The following CA5B variants were observed in gnomAD, a reference collection of about 807,000 sequenced individuals.
CA5B encodes the protein carbonic anhydrase 5B, mitochondrial.
CA5B carries 15 observed loss-of-function variants against 23.1 expected under a neutral mutation model. The ratio of observed to expected loss-of-function variants is 0.65; its 90% CI spans 0.43 to 1.00. CA5B has a LOEUF of 1.00. CA5B is among the 50% of genes least tolerant of loss of function. The pLI is 0.00. For missense variants in CA5B, 236 were observed against 252.2 expected, an observed-to-expected ratio of 0.94 and a Z score of 0.43; for synonymous variants, 84 against 98.5, an observed-to-expected ratio of 0.85 and a Z score of 0.87.
intron 3 of CA5B, among the ~76,000 whole-genome samples, chrX:15,769,975 A>C (rs1323867764): frequency 8.9e-6 from 1 of 111,881 alleles, no homozygotes; most frequent in African/African-American, 3.2e-5. Flanking sequence ...TTGTTATGTA[A>C]TTTTTTTAGA....
intron 6 of CA5B, chrX:15,775,561 T>C: frequency 1.1e-6 from 1 of 873,145 alleles, no homozygotes; most frequent in Non-Finnish European, 1.4e-6. Flanking sequence ...CCCTCCTCTG[T>C]TCCTGACACC....
intron 7 of CA5B, among the ~76,000 whole-genome samples, chrX:15,779,024 GATAA>G (rs1931977154): frequency 9.0e-6 from 1 of 111,301 alleles, no homozygotes; most frequent in South Asian, 3.8e-4. Context: ...ACCCTATAAA[GATAA>G]ATAAAGAAAA....
At chrX:15,750,302 A>C (rs1053709036) in intron 2 of CA5B, 137 bp downstream of exon 2, 2 of 483,802 alleles carry the variant, frequency 4.1e-6, no homozygotes, top group African/African-American at 4.8e-5. Context: ...TCTTTATAAT[A>C]ATCACACATG....
At chrX:15,753,696 G>A (rs1931428049) in intron 2 of CA5B, among the ~76,000 whole-genome samples, 2 of 112,276 alleles carry the variant, frequency 1.8e-5, no homozygotes, top group South Asian at 7.3e-4. Context: ...ATCACCTGAG[G>A]TCAGGAGTTC....
At chrX:15,768,945 T>C (rs1287483654) in intron 3 of CA5B, 1 of 111,795 alleles carries the variant, frequency 8.9e-6, no homozygotes, top group Non-Finnish European at 1.9e-5. Flanking sequence ...AAAAACATCA[T>C]ACCAGTCCTT....
Position 15,752,343 on chromosome X carries a change from C to G in CA5B, c.142+2178C>G, listed in dbSNP as rs1010939050. Among the ~76,000 whole-genome samples the G allele has an allele frequency of 1.1e-4, 12 of 111,662 alleles. No homozygotes were observed. The Admixed American group carries it at 1.1e-3, about 11-fold the overall frequency. ...AACATTACAAGACAAAGAAGAAAAT[C>G]AAAATATTTTACCCCAAAACATGTT... On this transcript the variant is annotated intron_variant, in intron 2 of 7. Transcript: ENST00000318636.
chrX:15,778,751 AAGAG>A (rs762557468), intron 7 of CA5B, among the ~76,000 whole-genome samples: 7 of 109,744 alleles, frequency 6.4e-5, no homozygotes, highest in Non-Finnish European at 1.1e-4. Context: ...ATGGTGGCAG[AAGAG>A]AGAGAGAGAG....
At chrX:15,756,783 A>G (rs139690552) in intron 2 of CA5B, among the ~76,000 whole-genome samples, 4,058 of 111,694 alleles carry the variant, frequency 0.036, 189 homozygotes, top group African/African-American at 0.12. Flanking sequence ...AGCCAGGCGC[A>G]GTGGCTCATG....
intron 1 of CA5B, among the ~76,000 whole-genome samples, chrX:15,744,216 G>A (rs866192745): frequency 3.5e-5 from 4 of 113,036 alleles, no homozygotes; most frequent in Middle Eastern, 4.6e-3. Flanking sequence ...CATGACCATG[G>A]CCCTGGCCGT....
At position 15,776,759 on chromosome X, in the gene CA5B, C is replaced by T; in HGVS notation, c.664C>T (p.Pro222Ser). 8.3e-7 allele frequency: 1 copy of T among 1,208,528 alleles called. No homozygotes were observed. The highest frequency in any genetic ancestry group is 1.1e-6 in the Non-Finnish European group (1 of 892,406). ...FGSFDPSCLM[P>S]TCPDYWTYSG... ...GTCATTTGACCCTTCCTGCCTGATG[C>T]CTACCTGCCCAGATTACTGGACCTA... The change falls in exon 7 of 8, where the codon CCT becomes TCT. Residue 222 changes from proline (P) to serine (S), a missense_variant. Physicochemically the swap from Pro to Ser is moderately conservative, Grantham distance 74. Around this residue, in one of 3 missense-constraint regions of CA5B, gnomAD observed 170 missense variants for 162.0 expected, o/e 1.05. Coordinates refer to ENST00000318636, the MANE Select transcript of CA5B (RefSeq NM_007220.4).
intron 5 of CA5B, among the ~76,000 whole-genome samples, chrX:15,774,853 A>AT (rs1031169594): frequency 8.9e-6 from 1 of 112,017 alleles, no homozygotes; most frequent in African/African-American, 3.2e-5. Flanking sequence ...CCACCAAAAA[A>AT]ATATATATAT....
Position 15,774,399 on chromosome X carries a change from T to TA in CA5B, c.555+6dup, listed in dbSNP as rs1931878918. The TA allele has an allele frequency of 8.4e-6, 7 of 829,029 alleles. No individual in the cohort carries two copies. In the Admixed American group the frequency reaches 1.8e-4, roughly 21 times the overall value. The allele number at this position is 829,029 out of a possible 1,213,427, so 68.3% of individuals were successfully genotyped here. A position where few individuals can be genotyped will look rare whatever the true frequency, so the allele number is the denominator to read the frequency against. On this transcript the variant is annotated splice_region_variant and intron_variant, in intron 5 of 7. Transcript: ENST00000318636. Reference sequence around the variant, plus strand: ...GCTGTGATAGGAGTATTTTTAAAGGTAAAATATCTCACCAACTTTAAATGA... The same window carrying TA: ...GCTGTGATAGGAGTATTTTTAAAGGTAAAAATATCTCACCAACTTTAAATGA...
At chrX:15,741,199 C>G (rs1294472299) in intron 1 of CA5B, among the ~76,000 whole-genome samples, 2 of 105,316 alleles carry the variant, frequency 1.9e-5, no homozygotes, top group African/African-American at 3.5e-5. Flanking sequence ...TCCCGAGTAG[C>G]TGGGCTTATA....
At chrX:15,780,874 G>T (rs1328648425) in intron 7 of CA5B, among the ~76,000 whole-genome samples, 1 of 112,172 alleles carries the variant, frequency 8.9e-6, no homozygotes, top group Non-Finnish European at 1.9e-5. Context: ...TCGCTTGCTT[G>T]TCTACTGTGC....
intron 2 of CA5B, among the ~76,000 whole-genome samples, chrX:15,764,096 A>G (rs1396617769): frequency 8.9e-6 from 1 of 111,762 alleles, no homozygotes; most frequent in Non-Finnish European, 1.9e-5. Flanking sequence ...CCCCAGAGAA[A>G]CACCCCAAAA....
intron 5 of CA5B, among the ~76,000 whole-genome samples, chrX:15,774,611 A>G (rs749915418): frequency 7.0e-4 from 78 of 111,804 alleles, no homozygotes; most frequent in African/African-American, 2.5e-3. Flanking sequence ...AGGCAGGCAG[A>G]TCACTTGAGG....
intron 4 of CA5B, among the ~76,000 whole-genome samples, chrX:15,773,533 C>A (rs1363128678): frequency 9.3e-6 from 1 of 107,371 alleles, no homozygotes; most frequent in Non-Finnish European, 1.9e-5. Flanking sequence ...TCTCAGCCCC[C>A]CAAGTAGCTG....
chrX:15,768,388 T>C (rs1931755681), intron 3 of CA5B, among the ~76,000 whole-genome samples: 1 of 111,699 alleles, frequency 9.0e-6, no homozygotes, highest in African/African-American at 3.3e-5. Flanking sequence ...TAATAGCTTC[T>C]TTTTAGATAC....
intron 3 of CA5B, among the ~76,000 whole-genome samples, chrX:15,771,205 A>C (rs1197408565): frequency 2.1e-5 from 1 of 46,640 alleles, no homozygotes; most frequent in Non-Finnish European, 4.2e-5. Context: ...TCATCTCTAC[A>C]AAAAAAAAAA....
Sources: gnomAD v4.1 joint callset for allele counts (sites outside exome capture counted in the v4.1 genomes callset) on GRCh38, gnomAD v4.1.1 for gene constraint, gnomAD v4.1.1 regional missense constraint, MANE v1.5 for transcripts, NCBI Gene and HGNC (gene_info 2026-07-23, HGNC 2026-07-21) for gene names.